Variants in EFEMP1 observed in about 807,000 individuals in gnomAD.
EFEMP1 encodes the protein EGF-like fibulin extracellular matrix protein 1, also known as EGF-containing fibulin-like extracellular matrix protein 1.
EFEMP1 carries 18 observed loss-of-function variants against 65.7 expected under a neutral mutation model. The ratio of observed to expected loss-of-function variants is 0.27; its 90% CI spans 0.19 to 0.41. The LOEUF (loss-of-function observed/expected upper bound fraction) is 0.41. EFEMP1 is among the 10% of genes least tolerant of loss of function. The pLI is 1.00. For missense variants in EFEMP1, 469 were observed against 624.8 expected (o/e 0.75, Z 2.66); for synonymous variants, 237 against 219.7 (o/e 1.08, Z -0.70).
intron 8 of EFEMP1, 139 bp downstream of exon 8, chr2:55,876,484 A>C (rs1669039442): frequency 8.1e-7 from 1 of 1,227,758 alleles, no homozygotes; most frequent in Non-Finnish European, 1.1e-6. Context: ...CAATGTAACA[A>C]CTGAACTACA....
chr2:55,912,252 T>C (rs1370076381), intron 5 of EFEMP1, among the ~76,000 whole-genome samples: 1 of 152,156 alleles, frequency 6.6e-6, no homozygotes, highest in East Asian at 1.9e-4. Flanking sequence ...TATAATTATA[T>C]GGAAGAAAAA....
At chr2:55,903,945 C>T (rs1047494398) in intron 5 of EFEMP1, among the ~76,000 whole-genome samples, 29 of 152,174 alleles carry the variant, frequency 1.9e-4, no homozygotes, top group African/African-American at 6.8e-4. Context: ...CTCCCAGTTA[C>T]ATTCCACAAC....
chr2:55,872,998 ACT>A (rs1363123399), intron 9 of EFEMP1, among the ~76,000 whole-genome samples: 1 of 151,408 alleles, frequency 6.6e-6, no homozygotes, highest in Non-Finnish European at 1.5e-5. Flanking sequence ...AGAAATTAAT[ACT>A]CTCAAAATAT....
chr2:55,868,223 C>T (rs1668661631), intron 11 of EFEMP1, among the ~76,000 whole-genome samples: 4 of 152,076 alleles, frequency 2.6e-5, no homozygotes, highest in Admixed American at 2.6e-4. Context: ...AATAATAACA[C>T]CTTGAAGGTG....
chr2:55,890,975 TG>T (rs999265063), intron 5 of EFEMP1, among the ~76,000 whole-genome samples: 24 of 152,000 alleles, frequency 1.6e-4, no homozygotes, highest in Admixed American at 2.0e-4. Context: ...ATTTTAGGTT[TG>T]GGGGTACATG....
intron 5 of EFEMP1, among the ~76,000 whole-genome samples, chr2:55,899,508 C>T (rs1257092484): frequency 2.0e-5 from 3 of 152,118 alleles, no homozygotes; most frequent in Non-Finnish European, 4.4e-5. Context: ...TTGGGCCTAG[C>T]AAGGAAAGGA....
At chr2:55,904,671 A>C (rs1016623572) in intron 5 of EFEMP1, among the ~76,000 whole-genome samples, 2 of 152,120 alleles carry the variant, frequency 1.3e-5, no homozygotes, top group Non-Finnish European at 2.9e-5. Context: ...TGGTTCTCAG[A>C]TTTTTTGGAC....
intron 5 of EFEMP1, among the ~76,000 whole-genome samples, chr2:55,892,022 T>G (rs1453737463): frequency 6.6e-6 from 1 of 152,106 alleles, no homozygotes; most frequent in Non-Finnish European, 1.5e-5. Flanking sequence ...CTTTCAGTGT[T>G]GTGAAGCAAC....
intron 9 of EFEMP1, 111 bp downstream of exon 9, chr2:55,874,835 G>T: frequency 8.5e-7 from 1 of 1,180,476 alleles, no homozygotes; most frequent in Non-Finnish European, 1.2e-6. Flanking sequence ...AGCTTAAATT[G>T]TATATTGAAA....
chr2:55,896,265 T>C (rs977084353), intron 5 of EFEMP1, among the ~76,000 whole-genome samples: 1 of 152,232 alleles, frequency 6.6e-6, no homozygotes, highest in Non-Finnish European at 1.5e-5. Flanking sequence ...GGAGATGTTG[T>C]GACAAAAAAC....
chr2:55,901,468 G>A (rs1377765541), intron 5 of EFEMP1, among the ~76,000 whole-genome samples: 2 of 152,112 alleles, frequency 1.3e-5, no homozygotes, highest in Admixed American at 6.5e-5. Flanking sequence ...AAAAGGCTAC[G>A]TTTACTCAAA....
Position 55,867,898 on chromosome 2 carries a change from G to C in EFEMP1, c.1321-664C>G, listed in dbSNP as rs1172006581. Among the ~76,000 whole-genome samples, 1 of 152,110 alleles carries C rather than the reference G, an allele frequency of 6.6e-6. No individual in the cohort carries two copies. Among genetic ancestry groups the C allele is most frequent in the African/African-American group, 2.4e-5 (1 of 41,420 alleles). On this transcript the variant is annotated intron_variant, in intron 11 of 11. Transcript: ENST00000355426. The surrounding 1 kb of genome is among the most constrained non-coding windows in gnomAD (Gnocchi z 4.3). ...ATATGATGGGCTCTTGTGAGTGGAGGGAGATGAGGTTGGAGAGGCAGGTAA... is the reference window on the plus strand; with the variant it reads ...ATATGATGGGCTCTTGTGAGTGGAGCGAGATGAGGTTGGAGAGGCAGGTAA...
At position 55,908,841 on chromosome 2, in the gene EFEMP1, T is replaced by C. The variant is rs553135721; in HGVS notation, c.517+8824A>G. On this transcript the variant is annotated intron_variant, in intron 5 of 11. Transcript: ENST00000355426. ...TCACCATGAGATTTCTGAAAAAGGA[T>C]GTATTTGATACAGAAATGCATTCCC... Among the ~76,000 whole-genome samples the C allele has an allele frequency of 2.0e-5, 3 of 152,302 alleles. No homozygotes were observed. In the East Asian group the frequency reaches 5.8e-4, roughly 29 times the overall value.
At chr2:55,875,960 C>A (rs567539636) in intron 8 of EFEMP1, among the ~76,000 whole-genome samples, 1 of 151,960 alleles carries the variant, frequency 6.6e-6, no homozygotes, top group Admixed American at 6.6e-5. Context: ...GCTGAGTGAA[C>A]CGTGAGGAGG....
At chr2:55,894,203 A>G (rs1048296299) in intron 5 of EFEMP1, among the ~76,000 whole-genome samples, 2 of 152,188 alleles carry the variant, frequency 1.3e-5, no homozygotes, top group African/African-American at 4.8e-5. Flanking sequence ...TGTAATTCTG[A>G]GAGAGAACTA....
rs1418620085 is a variant in EFEMP1, at chr2:55,921,651, G to C, written c.81+709C>G. Among the ~76,000 whole-genome samples, 1 of 152,188 alleles carries C rather than the reference G, an allele frequency of 6.6e-6. No homozygotes were observed. Among genetic ancestry groups the C allele is most frequent in the Non-Finnish European group, 1.5e-5 (1 of 68,042 alleles). On this transcript the variant is annotated intron_variant, in intron 3 of 11. Transcript: ENST00000355426. The surrounding 1 kb of genome is among the most constrained non-coding windows in gnomAD (Gnocchi z 4.1). ...CCACAACTATTTGTAGCAGTGGGAG[G>C]GGTCAGGTGATCTTTTTAATATTTT... is the stretch of plus-strand genomic sequence containing the variant.
At chr2:55,916,434 A>G (rs1240532225) in intron 5 of EFEMP1, among the ~76,000 whole-genome samples, 1 of 152,176 alleles carries the variant, frequency 6.6e-6, no homozygotes. Context: ...TAAGCCATTT[A>G]AACTCGAGTA....
chr2:55,874,201 T>G (rs1049794949), intron 9 of EFEMP1, among the ~76,000 whole-genome samples: 1 of 152,086 alleles, frequency 6.6e-6, no homozygotes, highest in African/African-American at 2.4e-5. Flanking sequence ...TGTTGCTTTG[T>G]GTAAATTTAA....
rs368160040 is a variant in EFEMP1, at chr2:55,895,067, C to T, written c.518-13333G>A. On this transcript the variant is annotated intron_variant, in intron 5 of 11. Coordinates refer to ENST00000355426, the MANE Select transcript of EFEMP1 (RefSeq NM_001039348.3). ...TCTATTGGTCTGTGGGCCCTGGACACTGCTTCTTGGGCAGCTTCCCTGGCC... is the reference window on the plus strand; with the variant it reads ...TCTATTGGTCTGTGGGCCCTGGACATTGCTTCTTGGGCAGCTTCCCTGGCC... 2.6e-5 allele frequency among the ~76,000 whole-genome samples: 4 copies of T among 152,220 alleles called. No individual in the cohort carries two copies. The East Asian group carries it at 7.7e-4, about 29-fold the overall frequency.
Sources: allele counts gnomAD v4.1 joint callset (sites outside exome capture counted in the v4.1 genomes callset), GRCh38; gene constraint gnomAD v4.1.1; non-coding constraint Gnocchi (gnomAD v3.1); transcripts MANE v1.5; gene names NCBI Gene and HGNC (gene_info 2026-07-23, HGNC 2026-07-21).